Variants in MMP26 observed in about 807,000 individuals in gnomAD.
The protein encoded by MMP26 is matrix metallopeptidase 26.
A neutral mutation model predicts 31.0 loss-of-function variants in MMP26; 33 were observed. That is an observed-to-expected ratio of 1.06 (90% confidence interval 0.81 to 1.42). The LOEUF (loss-of-function observed/expected upper bound fraction) is 1.42. MMP26 is among the 40% of genes most tolerant of loss of function. The pLI is 0.00. For synonymous variants in MMP26, 122 were observed against 114.9 expected (o/e 1.06, Z -0.40); for missense variants, 347 against 316.1 (o/e 1.10, Z -0.74).
In MMP26 at chr11:4,944,002, C is replaced by T. The variant is rs1316638108; in HGVS notation, c.-144-44066C>T. 7.2e-6 allele frequency: 3 copies of T among 418,730 alleles called. No individual in the cohort carries two copies. In the Admixed American group the frequency reaches 8.5e-5, roughly 12 times the overall value. 25.9% of individuals were successfully genotyped at this position (418,730 alleles called of 1,614,324 possible). On this transcript the variant is annotated intron_variant, in intron 2 of 7. Transcript: ENST00000380390. ...GAAATGAAGTCTTCATATTGGGCTG[C>T]CTATCCGCACACTGGGAGAATATGA...
rs1406734608 is a variant in MMP26 at position 4,826,595 on chromosome 11, A to G, written c.-145+59254A>G. Reference sequence around the variant, plus strand: ...CAGAGCCAAGCAATAAAGAAAAATCATGATTTGTAGGAGTCTGGTTGGCAA... The same window carrying G: ...CAGAGCCAAGCAATAAAGAAAAATCGTGATTTGTAGGAGTCTGGTTGGCAA... On this transcript the variant is annotated intron_variant, in intron 2 of 7. Transcript: ENST00000380390. Among the ~76,000 whole-genome samples, 8 of 152,102 alleles carry G rather than the reference A, an allele frequency of 5.3e-5. No homozygotes were observed. The East Asian group carries it at 1.5e-3, about 29-fold the overall frequency.
intron 2 of MMP26, among the ~76,000 whole-genome samples, chr11:4,867,379 A>T (rs1439874643): frequency 3.4e-5 from 5 of 146,584 alleles, no homozygotes; most frequent in South Asian, 2.2e-4. Flanking sequence ...CCACAATGAG[A>T]TGCTGTCCTT....
At chr11:4,804,764 G>T (rs1849241543) in intron 2 of MMP26, 1 of 329,914 alleles carries the variant, frequency 3.0e-6, no homozygotes, top group South Asian at 2.5e-5. Context: ...GGCTGACATA[G>T]TGGAACCCCT....
At chr11:4,776,281 A>G (rs933857724) in intron 2 of MMP26, among the ~76,000 whole-genome samples, 4 of 152,036 alleles carry the variant, frequency 2.6e-5, no homozygotes, top group African/African-American at 4.8e-5. Flanking sequence ...TTTTTTATAT[A>G]CTAATTTCTT....
At position 4,988,119 on chromosome 11, in the gene MMP26, G is replaced by A. The variant is rs1486720995; in HGVS notation, c.-93G>A. 2 of 1,106,526 alleles carry A rather than the reference G, an allele frequency of 1.8e-6. No individual in the cohort carries two copies. Among genetic ancestry groups the A allele is most frequent in the Non-Finnish European group, 2.8e-6 (2 of 718,264 alleles). 68.5% of individuals were successfully genotyped at this position (1,106,526 alleles called of 1,614,324 possible). On this transcript the variant is annotated 5_prime_UTR_variant, in exon 3 of 8. The change creates a new upstream start codon in the 5' untranslated region. Coordinates refer to ENST00000380390, the MANE Select transcript of MMP26 (RefSeq NM_021801.5). ...TTCAAAGAAAGGGCAAACTGGCAGAGTGAGTCATTGGATGTTGCTGGCACA... is the reference window on the plus strand; with the variant it reads ...TTCAAAGAAAGGGCAAACTGGCAGAATGAGTCATTGGATGTTGCTGGCACA...
intron 2 of MMP26, chr11:4,954,634 G>C: frequency 1.8e-6 from 1 of 562,712 alleles, no homozygotes; most frequent in African/African-American, 1.9e-5. Flanking sequence ...CCCATTCTCA[G>C]TATCTAGAGT....
At chr11:4,818,386 T>G (rs1589910166) in intron 2 of MMP26, among the ~76,000 whole-genome samples, 1 of 152,212 alleles carries the variant, frequency 6.6e-6, no homozygotes, top group East Asian at 1.9e-4. Context: ...TTATCATAAT[T>G]GTGCTTACTA....
chr11:4,887,682 TG>T (rs1218593920), intron 2 of MMP26, among the ~76,000 whole-genome samples: 1 of 152,138 alleles, frequency 6.6e-6, no homozygotes, highest in Non-Finnish European at 1.5e-5. Flanking sequence ...TTTTTGTTGT[TG>T]TTTTGGTTTG....
At chr11:4,800,921 C>T (rs189151638) in intron 2 of MMP26, among the ~76,000 whole-genome samples, 18 of 152,268 alleles carry the variant, frequency 1.2e-4, no homozygotes, top group Admixed American at 5.9e-4. Context: ...GCTCTTTGCT[C>T]GGGTGCAACA....
At chr11:4,958,570 A>C (rs1196959410) in intron 2 of MMP26, among the ~76,000 whole-genome samples, 1 of 151,950 alleles carries the variant, frequency 6.6e-6, no homozygotes, top group Non-Finnish European at 1.5e-5. Context: ...TCAACCATCT[A>C]TCTTCTCTAT....
intron 2 of MMP26, among the ~76,000 whole-genome samples, chr11:4,966,821 C>T (rs916325014): frequency 6.6e-6 from 1 of 152,082 alleles, no homozygotes; most frequent in African/African-American, 2.4e-5. Context: ...GCTGTCAGGC[C>T]TTTAATGAAG....
rs1564819722 is a variant in MMP26 at position 4,986,932 on chromosome 11, C to CTCCCTCT, written c.-144-1136_-144-1135insTCCCTCT. On this transcript the variant is annotated intron_variant, in intron 2 of 7. Transcript: ENST00000380390. Reference sequence around the variant, plus strand: ...CTCTCTCTCTCTCTCTCTCTCTCTCCCTCTCTCTCTCTCTCTCTCTCTCTC... The same window carrying CTCCCTCT: ...CTCTCTCTCTCTCTCTCTCTCTCTCCTCCCTCTCTCTCTCTCTCTCTCTCTCTCTCTC... Among the ~76,000 whole-genome samples, 41 of 60,442 alleles carry CTCCCTCT rather than the reference C, an allele frequency of 6.8e-4. 3 individuals are homozygous for CTCCCTCT. Among genetic ancestry groups the CTCCCTCT allele is most frequent in the African/African-American group, 2.5e-3 (35 of 14,174 alleles). 39.7% of individuals were successfully genotyped at this position (60,442 alleles called of 152,430 possible). A position where few individuals can be genotyped will look rare whatever the true frequency, so the allele number is the denominator to read the frequency against.
chr11:4,789,757 G>A (rs1010989940), intron 2 of MMP26, among the ~76,000 whole-genome samples: 2 of 151,406 alleles, frequency 1.3e-5, no homozygotes, highest in African/African-American at 2.4e-5. Context: ...AGCCAGGATG[G>A]TGTCGATCTC....
In MMP26 at chr11:4,843,038, A is replaced by C. The variant is rs541950192; in HGVS notation, c.-145+75697A>C. Among the ~76,000 whole-genome samples, 4 of 152,182 alleles carry C rather than the reference A, an allele frequency of 2.6e-5. No individual in the cohort carries two copies. In the South Asian group the frequency reaches 8.3e-4, roughly 31 times the overall value. On this transcript the variant is annotated intron_variant, in intron 2 of 7. Coordinates refer to ENST00000380390, the MANE Select transcript of MMP26 (RefSeq NM_021801.5). Reference sequence around the variant, plus strand: ...TCCTCTGACCCCATGTCTCTCACCCAGGGCATGCTGATGCAAGGCGTGGCC... The same window carrying C: ...TCCTCTGACCCCATGTCTCTCACCCCGGGCATGCTGATGCAAGGCGTGGCC...
rs1264999432 is a variant in MMP26 at position 4,990,236 on chromosome 11, T to C, written c.321-362T>C. Among the ~76,000 whole-genome samples the C allele has an allele frequency of 2.6e-5, 4 of 152,354 alleles. No individual in the cohort carries two copies. The East Asian group carries it at 7.7e-4, about 29-fold the overall frequency. The stretch of plus-strand genomic sequence containing the variant: ...GATATCTAAAGCAAGCAGTACTAAA[T>C]TATGTAGAATGCTATACATTTTAAT... On this transcript the variant is annotated intron_variant, in intron 4 of 7. Coordinates refer to ENST00000380390, the MANE Select transcript of MMP26 (RefSeq NM_021801.5).
intron 2 of MMP26, among the ~76,000 whole-genome samples, chr11:4,866,603 C>CA (rs1212095451): frequency 6.6e-6 from 1 of 151,920 alleles, no homozygotes; most frequent in African/African-American, 2.4e-5. Context: ...CATATGGAAC[C>CA]AAAAAAGAGC....
chr11:4,942,089 CAAAA>C (rs201626472), intron 2 of MMP26, among the ~76,000 whole-genome samples: 9,726 of 37,046 alleles, frequency 0.26, 748 homozygotes, highest in Middle Eastern at 0.51. Context: ...GAGTCCATCT[CAAAA>C]AAAAAAAAAA....
intron 2 of MMP26, among the ~76,000 whole-genome samples, chr11:4,792,515 T>G (rs1047784084): frequency 9.2e-5 from 14 of 152,202 alleles, no homozygotes; most frequent in Admixed American, 2.6e-4. Context: ...TTATGCAGAT[T>G]TTCTCTGTTG....
chr11:4,886,970 T>C (rs576623708), intron 2 of MMP26, among the ~76,000 whole-genome samples: 9 of 152,144 alleles, frequency 5.9e-5, no homozygotes, highest in African/African-American at 2.2e-4. Context: ...TATTTTTTTG[T>C]GGGTGATAAA....
Sources: allele counts gnomAD v4.1 joint callset (sites outside exome capture counted in the v4.1 genomes callset), GRCh38; gene constraint gnomAD v4.1.1; transcripts MANE v1.5; gene names NCBI Gene and HGNC (gene_info 2026-07-23, HGNC 2026-07-21).